The following NT5DC3 variants were observed in gnomAD, a reference collection of about 807,000 sequenced individuals.
The protein encoded by NT5DC3 is 5'-nucleotidase domain-containing protein 3.
Under a neutral mutation model 67.8 loss-of-function variants are expected in NT5DC3, and 42 were observed. That is an observed-to-expected ratio of 0.62 (90% CI 0.48 to 0.80). The LOEUF (loss-of-function observed/expected upper bound fraction) is 0.80. Ranked by LOEUF, NT5DC3 falls within the 30% of genes least tolerant of loss-of-function variation. The pLI is 0.00. For missense variants in NT5DC3, 570 were observed against 696.4 expected (o/e 0.82, Z 2.04); for synonymous variants, 237 against 255.6 (o/e 0.93, Z 0.69).
At chr12:103,816,193 C>T (rs1158622697) in intron 1 of NT5DC3, among the ~76,000 whole-genome samples, 1 of 152,134 alleles carries the variant, frequency 6.6e-6, no homozygotes. Context: ...GGAACAGGAC[C>T]ATTTTGGATA....
the NT5DC3 span, among the ~76,000 whole-genome samples, chr12:103,761,864 T>C: frequency 3.3e-5 from 5 of 152,178 alleles, no homozygotes; most frequent in Admixed American, 2.6e-4. Flanking sequence ...TATATAAAAG[T>C]TGGTGATGGT....
At chr12:103,749,724 C>T in the NT5DC3 span, among the ~76,000 whole-genome samples, 1 of 150,956 alleles carries the variant, frequency 6.6e-6, no homozygotes, top group Non-Finnish European at 1.5e-5. Context: ...CCTGTAGTCC[C>T]AGCTACTCGG....
chr12:103,784,571 A>G (rs1885686770), intron 12 of NT5DC3, among the ~76,000 whole-genome samples: 1 of 152,234 alleles, frequency 6.6e-6, no homozygotes, highest in South Asian at 2.1e-4. Context: ...CAAGAGAGCA[A>G]GCACCTGTGC....
At chr12:103,749,053 A>C in the NT5DC3 span, 21 of 1,614,034 alleles carry the variant, frequency 1.3e-5, no homozygotes, top group South Asian at 2.0e-4. Context: ...AGCTGCCAGA[A>C]GGGATACAAA....
the NT5DC3 span, chr12:103,763,259 G>A: frequency 1.9e-6 from 1 of 523,362 alleles, no homozygotes; most frequent in Non-Finnish European, 3.4e-6. Context: ...GTATGGAAAT[G>A]CCCTATGTGC....
intron 1 of NT5DC3, among the ~76,000 whole-genome samples, chr12:103,824,389 G>A (rs902151902): frequency 1.3e-5 from 2 of 152,144 alleles, no homozygotes; most frequent in East Asian, 3.9e-4. Context: ...TCCTTTCCAC[G>A]GTGAAAGTGA....
At chr12:103,769,000 C>T (rs1036606148), downstream of NT5DC3, 6 of 152,262 alleles carry the variant, frequency 3.9e-5, no homozygotes, top group African/African-American at 9.6e-5. Flanking sequence ...CAGATTTCCT[C>T]GAGGGGATAA....
intron 8 of NT5DC3, 33 bp downstream of exon 8, chr12:103,793,377 C>T: frequency 6.3e-7 from 1 of 1,578,074 alleles, no homozygotes. Context: ...AGGAGTGTGC[C>T]AGAAGCTAGC....
chr12:103,747,252 TGC>T, the NT5DC3 span, among the ~76,000 whole-genome samples: 36 of 152,314 alleles, frequency 2.4e-4, no homozygotes, highest in African/African-American at 7.9e-4. Context: ...CTGTGAACAC[TGC>T]AATATCCCTC....
At chr12:103,780,901 T>A (rs932909582) in intron 12 of NT5DC3, among the ~76,000 whole-genome samples, 2 of 152,218 alleles carry the variant, frequency 1.3e-5, no homozygotes, top group African/African-American at 4.8e-5. Context: ...AAAAATTTGT[T>A]TTAATTTGTA....
the NT5DC3 span, chr12:103,758,252 T>A: frequency 6.2e-7 from 1 of 1,614,084 alleles, no homozygotes; most frequent in African/African-American, 1.3e-5. Flanking sequence ...CGCGGCACCC[T>A]CTTTGTGCCA....
chr12:103,817,011 T>C (rs1370506021), intron 1 of NT5DC3, among the ~76,000 whole-genome samples: 2 of 146,448 alleles, frequency 1.4e-5, no homozygotes, highest in Non-Finnish European at 3.0e-5. Context: ...GAGAAATCAG[T>C]TTTTCATTTT....
the NT5DC3 span, chr12:103,763,567 A>C: frequency 6.2e-7 from 1 of 1,614,122 alleles, no homozygotes; most frequent in Non-Finnish European, 8.5e-7. Context: ...GTATGAGAGC[A>C]CAACCTCAGC....
chr12:103,785,871 G>A (rs1029614869), intron 11 of NT5DC3: 3 of 386,530 alleles, frequency 7.8e-6, no homozygotes, highest in East Asian at 6.9e-5. Flanking sequence ...AGGCCCTCTG[G>A]GTTATGGAGA....
At chr12:103,749,282 G>A in the NT5DC3 span, 1 of 1,120,190 alleles carries the variant, frequency 8.9e-7, no homozygotes, top group Non-Finnish European at 1.2e-6. Context: ...AGCACAGTCT[G>A]TTTCTTGTTA....
intron 1 of NT5DC3, among the ~76,000 whole-genome samples, chr12:103,839,648 T>A (rs981363731): frequency 6.6e-6 from 1 of 152,196 alleles, no homozygotes; most frequent in African/African-American, 2.4e-5. Flanking sequence ...ATCTTCTATA[T>A]TCCTTTCATC....
At chr12:103,759,153 C>G in the NT5DC3 span, 1 of 1,614,180 alleles carries the variant, frequency 6.2e-7, no homozygotes, top group South Asian at 1.1e-5. Flanking sequence ...GGCGGGACAT[C>G]GAGCACCACC....
intron 1 of NT5DC3, among the ~76,000 whole-genome samples, chr12:103,833,326 G>C (rs1888009871): frequency 6.6e-6 from 1 of 152,172 alleles, no homozygotes; most frequent in Non-Finnish European, 1.5e-5. Flanking sequence ...TCTCTCAAAA[G>C]ATTGTGAAAC....
chr12:103,814,946 A>T lies in NT5DC3; in HGVS notation c.384T>A (p.Asn128Lys). ...GTCCCTGTGATCTTACCCGGTGTTCATTGATGAGAAGGTCCCGTGCAGCAT... is the reference window on the plus strand; with the variant it reads ...GTCCCTGTGATCTTACCCGGTGTTCTTTGATGAGAAGGTCCCGTGCAGCAT... ...IFNAARDLLI[N>K]EHRYPAEIRK... The change falls in exon 2 of 14, where the codon AAT becomes AAA. Residue 128 changes from asparagine to lysine, a missense_variant. By Grantham distance (94) the Asn-to-Lys change is moderately conservative. Coordinates refer to ENST00000392876, the MANE Select transcript of NT5DC3 (RefSeq NM_001031701.3). 6.2e-7 allele frequency: 1 copy of T among 1,606,034 alleles called. No homozygotes were observed. The highest frequency in any genetic ancestry group is 8.5e-7 in the Non-Finnish European group (1 of 1,175,990).
Sources: allele counts gnomAD v4.1 joint callset (sites outside exome capture counted in the v4.1 genomes callset), GRCh38; gene constraint gnomAD v4.1.1; transcripts MANE v1.5; gene names NCBI Gene and HGNC (gene_info 2026-07-23, HGNC 2026-07-21).